Variants in ZNG1A observed in about 807,000 individuals in gnomAD.
ZNG1A encodes Zn regulated GTPase metalloprotein activator 1A.
chr9:150,148 A>C, the ZNG1A span: 1 of 81,472 alleles, frequency 1.2e-5, no homozygotes, highest in African/African-American at 5.4e-5. Context: ...TTTTTTTGAG[A>C]CAGAGTCTCG....
At chr9:157,193 C>T in the ZNG1A span, among the ~76,000 whole-genome samples, 4 of 140,302 alleles carry the variant, frequency 2.9e-5, no homozygotes, top group South Asian at 7.2e-4. Flanking sequence ...TTACTGACCT[C>T]TCCAGAGTCA....
the ZNG1A span, chr9:167,582 C>T: frequency 1.3e-5 from 2 of 149,616 alleles, no homozygotes; most frequent in Non-Finnish European, 3.0e-5. Context: ...TGGACTAACT[C>T]GGGAATGGAG....
chr9:171,624 G>C, the ZNG1A span: 1 of 186,446 alleles, frequency 5.4e-6, no homozygotes, highest in Admixed American at 5.3e-5. Context: ...GTAATCTACA[G>C]ATGATTTAAA....
chr9:144,954 C>G, the ZNG1A span, among the ~76,000 whole-genome samples: 1 of 151,614 alleles, frequency 6.6e-6, no homozygotes, highest in East Asian at 1.9e-4. Context: ...AAATGCTCAC[C>G]ATCACTGGCC....
chr9:127,790 G>A, the ZNG1A span, among the ~76,000 whole-genome samples: 5 of 152,096 alleles, frequency 3.3e-5, no homozygotes, highest in Admixed American at 6.5e-5. Flanking sequence ...TGTTTTATAC[G>A]TCCTGTGATA....
the ZNG1A span, chr9:154,888 A>T: frequency 7.8e-7 from 1 of 1,287,094 alleles, no homozygotes; most frequent in South Asian, 1.3e-5. Flanking sequence ...ACAAATCAAA[A>T]ATAAATAAAA....
the ZNG1A span, among the ~76,000 whole-genome samples, chr9:161,266 C>T: frequency 2.6e-5 from 4 of 151,752 alleles, no homozygotes; most frequent in Admixed American, 6.6e-5. Context: ...GTCAGGAGTT[C>T]ATGACCAGGC....
the ZNG1A span, chr9:121,536 A>G: frequency 2.7e-5 from 44 of 1,610,834 alleles, no homozygotes; most frequent in Non-Finnish European, 3.6e-5. Flanking sequence ...CAGTAGCTAT[A>G]AACAGCTGTT....
chr9:163,808 T>C, the ZNG1A span, among the ~76,000 whole-genome samples: 1 of 151,422 alleles, frequency 6.6e-6, no homozygotes, highest in African/African-American at 2.4e-5. Context: ...TCCCAGCTAC[T>C]CGGGAGGCTG....
the ZNG1A span, among the ~76,000 whole-genome samples, chr9:163,094 G>C: frequency 2.5e-3 from 380 of 151,220 alleles, 1 homozygote; most frequent in African/African-American, 8.9e-3. Context: ...ATATATTAGA[G>C]CTCAATGATG....
At chr9:167,620 A>T in the ZNG1A span, 1 of 150,252 alleles carries the variant, frequency 6.7e-6, no homozygotes, top group African/African-American at 2.5e-5. Flanking sequence ...ATAAGCACCA[A>T]AACTATTAAA....
At chr9:171,498 C>T in the ZNG1A span, 4 of 152,318 alleles carry the variant, frequency 2.6e-5, no homozygotes, top group African/African-American at 9.7e-5. Flanking sequence ...TTGTTAGAAA[C>T]AGGTTGACTC....
the ZNG1A span, chr9:177,749 G>C: frequency 2.0e-6 from 3 of 1,537,386 alleles, no homozygotes; most frequent in Non-Finnish European, 2.6e-6. Flanking sequence ...AAAGGCCCGA[G>C]CGGCACGTTT....
chr9:128,449 C>T, the ZNG1A span, among the ~76,000 whole-genome samples: 1 of 151,530 alleles, frequency 6.6e-6, no homozygotes, highest in Non-Finnish European at 1.5e-5. Context: ...GAATTTCCTT[C>T]TTCTACTTGT....
chr9:162,475 A>C, the ZNG1A span: 1 of 1,528,134 alleles, frequency 6.5e-7, no homozygotes, highest in Non-Finnish European at 8.9e-7. Context: ...GATACCTACA[A>C]AGGAAAAAAC....
the ZNG1A span, chr9:177,616 G>C: frequency 6.6e-7 from 1 of 1,519,440 alleles, no homozygotes; most frequent in Non-Finnish European, 8.9e-7. Flanking sequence ...AAGGGAAAAT[G>C]GTCAGGGATA....
chr9:166,755 A>G, the ZNG1A span: 2 of 152,244 alleles, frequency 1.3e-5, no homozygotes. Context: ...TTCATTTAAA[A>G]TATCAAAAAC....
At chr9:130,704 G>C in the ZNG1A span, among the ~76,000 whole-genome samples, 1 of 148,462 alleles carries the variant, frequency 6.7e-6, no homozygotes, top group East Asian at 2.0e-4. Flanking sequence ...AAAGCGCTAG[G>C]ATTACAAGCA....
the ZNG1A span, chr9:177,639 T>A: frequency 1.6e-3 from 2,416 of 1,485,020 alleles, 26 homozygotes; most frequent in African/African-American, 0.03. Flanking sequence ...AGTGAAACTA[T>A]CCCTAGATTC....
Sources: gnomAD v4.1 joint callset for allele counts (sites outside exome capture counted in the v4.1 genomes callset) on GRCh38, gnomAD v4.1.1 for gene constraint, MANE v1.5 for transcripts, NCBI Gene and HGNC (gene_info 2026-07-23, HGNC 2026-07-21) for gene names.